The following LITAF variants were observed in gnomAD, a reference collection of about 807,000 sequenced individuals.
LITAF encodes lipopolysaccharide-induced tumor necrosis factor-alpha factor.
LITAF carries 9 observed loss-of-function variants against 14.5 expected under a neutral mutation model. That is an observed-to-expected ratio of 0.62 (90% CI 0.37 to 1.08). The LOEUF (loss-of-function observed/expected upper bound fraction) is 1.08. Ranked by LOEUF, LITAF falls within the 50% of genes least tolerant of loss-of-function variation. The pLI, the probability that LITAF is intolerant of heterozygous loss-of-function variation, is 0.01. For synonymous variants in LITAF, 98 were observed against 88.2 expected (o/e 1.11, Z -0.62); for missense variants, 206 against 213.4 (o/e 0.97, Z 0.22).
intron 1 of LITAF, among the ~76,000 whole-genome samples, chr16:11,580,863 C>A (rs1219689421): frequency 1.3e-5 from 2 of 152,198 alleles, no homozygotes; most frequent in African/African-American, 2.4e-5. Flanking sequence ...CTCCCAGGCT[C>A]AAGCGATCCT....
upstream of LITAF, among the ~76,000 whole-genome samples, chr16:11,601,540 AC>A (rs1294667557): frequency 2.6e-5 from 4 of 152,140 alleles, no homozygotes; most frequent in African/African-American, 7.2e-5. Flanking sequence ...ACTGGTTCCT[AC>A]AAGGAAACAC....
At chr16:11,610,321 C>T (rs1035505063) in intron 3 of LITAF, among the ~76,000 whole-genome samples, 43 of 152,204 alleles carry the variant, frequency 2.8e-4, no homozygotes, top group African/African-American at 8.7e-4. Context: ...GAATGTCCGG[C>T]AAGGGGTCTA....
chr16:11,553,022 G>GGA lies in LITAF; in HGVS notation c.377+509_377+510dup, dbSNP rs2064205044. 6.6e-6 allele frequency among the ~76,000 whole-genome samples: 1 copy of GGA among 152,188 alleles called. No individual in the cohort carries two copies. Among genetic ancestry groups the GGA allele is most frequent in the Admixed American group, 6.5e-5 (1 of 15,274 alleles). On this transcript the variant is annotated intron_variant, in intron 3 of 3. Coordinates refer to ENST00000622633, the MANE Select transcript of LITAF (RefSeq NM_001136472.2). This position sits in a 1 kb window ranked among gnomAD's most constrained non-coding sequence, Gnocchi z 7.7. ...CCCAGCTACTCAGGAGGCTGAGGCA[G>GGA]GAGAATAGCTTGAACCTGGGAGGCG... is the stretch of plus-strand genomic sequence containing the variant.
chr16:11,552,848 C>T (rs932913708), intron 3 of LITAF, among the ~76,000 whole-genome samples: 5 of 152,026 alleles, frequency 3.3e-5, no homozygotes, highest in African/African-American at 9.7e-5. Flanking sequence ...GCATGATGGC[C>T]CACACCTGTA....
chr16:11,610,476 G>C (rs930518623), intron 3 of LITAF, among the ~76,000 whole-genome samples: 2 of 152,152 alleles, frequency 1.3e-5, no homozygotes, highest in African/African-American at 4.8e-5. Flanking sequence ...GGAGTGGAGA[G>C]TCCCTCCAGC....
chr16:11,578,284 G>T (rs747714890), intron 1 of LITAF, among the ~76,000 whole-genome samples: 1 of 152,216 alleles, frequency 6.6e-6, no homozygotes, highest in Non-Finnish European at 1.5e-5. Context: ...GTCGCCAGGC[G>T]TGGTGGCTCA....
intron 1 of LITAF, among the ~76,000 whole-genome samples, chr16:11,571,107 G>A (rs1479898079): frequency 3.3e-5 from 5 of 152,016 alleles, no homozygotes; most frequent in African/African-American, 4.8e-5. Context: ...TCACTCTGTC[G>A]CCCAGGCTGG....
At chr16:11,638,193 C>T (rs146314215), upstream of LITAF, among the ~76,000 whole-genome samples, 11 of 149,966 alleles carry the variant, frequency 7.3e-5, no homozygotes, top group African/African-American at 2.7e-4. Flanking sequence ...GAGTACATCA[C>T]ATCACCTCCT....
chr16:11,556,567 C>T lies in LITAF; in HGVS notation c.164G>A (p.Gly55Asp), dbSNP rs1343025290. ...TGLVTGPDGKGMNPPSYYTQP... is the reference protein window; with the variant it reads ...TGLVTGPDGKDMNPPSYYTQP... ...GGTATAATACGAAGGAGGATTCATG[C>T]CCTTCCCATCAGGCCCCGTCACAAG... The change falls in exon 2 of 4, where the codon GGC becomes GAC. Residue 55 changes from glycine (G) to aspartate (D), a missense_variant. By Grantham distance (94) the Gly-to-Asp change is moderately conservative (BLOSUM62 -1). Coordinates refer to ENST00000622633, the MANE Select transcript of LITAF (RefSeq NM_001136472.2). 1 of 1,614,152 alleles carries T rather than the reference C, an allele frequency of 6.2e-7. No individual in the cohort carries two copies. Among genetic ancestry groups the T allele is most frequent in the East Asian group, 2.2e-5 (1 of 44,878 alleles).
intron 2 of LITAF, 69 bp downstream of exon 2, chr16:11,556,442 G>T: frequency 7.3e-7 from 1 of 1,375,504 alleles, no homozygotes; most frequent in Non-Finnish European, 1.0e-6. Flanking sequence ...GAGTCACTTC[G>T]GTCACTCTCC....
intron 3 of LITAF, among the ~76,000 whole-genome samples, chr16:11,613,458 A>C (rs1342046977): frequency 6.6e-6 from 1 of 152,176 alleles, no homozygotes; most frequent in African/African-American, 2.4e-5. Context: ...GCTGGGTCTG[A>C]GGTGCCAGAG....
upstream of LITAF, among the ~76,000 whole-genome samples, chr16:11,589,743 T>G (rs565873548): frequency 5.4e-5 from 8 of 149,488 alleles, no homozygotes; most frequent in African/African-American, 2.0e-4. Flanking sequence ...CTCAGCCTCC[T>G]CAGTAGCTGG....
Position 11,549,611 on chromosome 16 carries a change from C to A in LITAF, c.*26G>T. 2 of 1,565,058 alleles carry A rather than the reference C, an allele frequency of 1.3e-6. No individual in the cohort carries two copies. The highest frequency in any genetic ancestry group is 2.3e-5 in the East Asian group (1 of 44,234). On this transcript the variant is annotated 3_prime_UTR_variant, in exon 4 of 4. Coordinates refer to ENST00000622633, the MANE Select transcript of LITAF (RefSeq NM_001136472.2). This position sits in a 1 kb window ranked among gnomAD's most constrained non-coding sequence, Gnocchi z 4.6. ...GGTGGAAAGGACTTCCTGCGGCACCCGGCTCCCTCCACGTCTGGCTGAGTC... is the reference window on the plus strand; with the variant it reads ...GGTGGAAAGGACTTCCTGCGGCACCAGGCTCCCTCCACGTCTGGCTGAGTC...
chr16:11,551,635 A>G (rs2064182926), intron 3 of LITAF: 1 of 560,914 alleles, frequency 1.8e-6, no homozygotes. Context: ...AGCCTGGGCA[A>G]CATAGTAAAA....
upstream of LITAF, among the ~76,000 whole-genome samples, chr16:11,588,217 G>A (rs1459804796): frequency 2.6e-5 from 4 of 152,276 alleles, no homozygotes; most frequent in African/African-American, 7.2e-5. Flanking sequence ...TGAAGGGGGC[G>A]GGTGCAGTGG....
intron 3 of LITAF, among the ~76,000 whole-genome samples, chr16:11,630,537 C>A (rs1365560043): frequency 1.3e-5 from 2 of 149,328 alleles, no homozygotes; most frequent in Non-Finnish European, 3.0e-5. Context: ...GTCTCTCTGG[C>A]GGCAGTGCCT....
chr16:11,604,662 AAAAAG>A (rs2064945488), intron 3 of LITAF, among the ~76,000 whole-genome samples: 1 of 151,270 alleles, frequency 6.6e-6, no homozygotes, highest in African/African-American at 2.4e-5. Flanking sequence ...AAAAAAAAAA[AAAAAG>A]AATCTACTAG....
At chr16:11,638,307 A>G (rs1025341246), upstream of LITAF, among the ~76,000 whole-genome samples, 3 of 151,570 alleles carry the variant, frequency 2.0e-5, no homozygotes, top group African/African-American at 7.3e-5. Flanking sequence ...AGTGCTCAGT[A>G]TTTCCCACTG....
chr16:11,609,442 G>A (rs2064970874), intron 3 of LITAF, among the ~76,000 whole-genome samples: 1 of 152,042 alleles, frequency 6.6e-6, no homozygotes, highest in South Asian at 2.1e-4. Context: ...TTGAACTCCT[G>A]ACCTCAAGTG....
Sources: gnomAD v4.1 joint callset for allele counts (sites outside exome capture counted in the v4.1 genomes callset) on GRCh38, gnomAD v4.1.1 for gene constraint, Gnocchi (gnomAD v3.1) non-coding constraint, MANE v1.5 for transcripts, NCBI Gene and HGNC (gene_info 2026-07-23, HGNC 2026-07-21) for gene names.